Variants in MARCHF1 observed in about 807,000 individuals in gnomAD.
MARCHF1 encodes the protein membrane associated ring-CH-type finger 1.
A neutral mutation model predicts 54.2 loss-of-function variants in MARCHF1; 40 were observed. The observed-to-expected ratio is 0.74, with a 90% CI of 0.57 to 0.96. The LOEUF (loss-of-function observed/expected upper bound fraction) is 0.96, where lower values mean the gene tolerates loss of function less well. Ranked by LOEUF, MARCHF1 falls within the 40% of genes least tolerant of loss-of-function variation. MARCHF1 has a pLI of 0.00. For missense variants in MARCHF1, 586 were observed against 656.5 expected (o/e 0.89, Z 1.17); for synonymous variants, 236 against 236.3 (o/e 1.00, Z 0.01).
At chr4:164,338,040 TA>T (rs2110831450) in intron 1 of MARCHF1, among the ~76,000 whole-genome samples, 1 of 152,268 alleles carries the variant, frequency 6.6e-6, no homozygotes, top group Non-Finnish European at 1.5e-5. Flanking sequence ...CAAAAGTATT[TA>T]AAAATAACTG....
intron 1 of MARCHF1, among the ~76,000 whole-genome samples, chr4:164,199,617 C>CAGAGCAGG (rs1480546492): frequency 3.6e-5 from 5 of 138,042 alleles, no homozygotes; most frequent in Non-Finnish European, 7.7e-5. Context: ...GCCTGGGTGA[C>CAGAGCAGG]AGAGCAGGAC....
At chr4:164,046,639 A>G (rs1454074713) in intron 2 of MARCHF1, among the ~76,000 whole-genome samples, 1 of 152,218 alleles carries the variant, frequency 6.6e-6, no homozygotes, top group Non-Finnish European at 1.5e-5. Context: ...TTAATCTAAG[A>G]TAAGAAATAT....
intron 1 of MARCHF1, among the ~76,000 whole-genome samples, chr4:164,374,101 T>G (rs1731115679): frequency 6.6e-6 from 1 of 152,272 alleles, no homozygotes; most frequent in South Asian, 2.1e-4. Context: ...TCACATTAGA[T>G]GTGTTGCCAC....
chr4:163,568,953 CA>C (rs1471049125), intron 8 of MARCHF1, among the ~76,000 whole-genome samples: 2 of 152,134 alleles, frequency 1.3e-5, no homozygotes, highest in African/African-American at 4.8e-5. Context: ...TTCCAGCACT[CA>C]AAAGACTGTC....
At chr4:163,997,986 A>G (rs537448901) in intron 2 of MARCHF1, among the ~76,000 whole-genome samples, 14 of 151,734 alleles carry the variant, frequency 9.2e-5, no homozygotes, top group African/African-American at 3.1e-4. Context: ...ATGTCTAAAA[A>G]AAGATATAAG....
chr4:163,665,962 G>A (rs751269893), intron 5 of MARCHF1, among the ~76,000 whole-genome samples: 11 of 152,076 alleles, frequency 7.2e-5, no homozygotes, highest in Non-Finnish European at 1.5e-4. Context: ...ACACTTCTAC[G>A]CCCCTTCAGG....
chr4:164,149,771 A>G (rs983600943), intron 1 of MARCHF1, among the ~76,000 whole-genome samples: 3 of 152,196 alleles, frequency 2.0e-5, no homozygotes, highest in Non-Finnish European at 4.4e-5. Context: ...TTTTGGATGA[A>G]TGATGTAAAG....
intron 1 of MARCHF1, among the ~76,000 whole-genome samples, chr4:164,165,741 A>C (rs1002111385): frequency 2.0e-5 from 3 of 151,938 alleles, no homozygotes; most frequent in African/African-American, 7.2e-5. Flanking sequence ...CATTGAGAGG[A>C]TGTGCATTGA....
At chr4:164,357,881 G>A (rs528506718) in intron 1 of MARCHF1, among the ~76,000 whole-genome samples, 15 of 152,140 alleles carry the variant, frequency 9.9e-5, no homozygotes, top group Non-Finnish European at 7.4e-5. Context: ...AACCTCAGAA[G>A]AAAAGGAAAA....
chr4:163,812,404 G>A (rs1432029440), intron 4 of MARCHF1, among the ~76,000 whole-genome samples: 1 of 151,874 alleles, frequency 6.6e-6, no homozygotes, highest in East Asian at 1.9e-4. Flanking sequence ...ATACATTCAG[G>A]TAGTTTTGGA....
chr4:163,551,015 A>G (rs759110910), intron 8 of MARCHF1, among the ~76,000 whole-genome samples: 7 of 152,192 alleles, frequency 4.6e-5, no homozygotes, highest in Non-Finnish European at 1.0e-4. Flanking sequence ...CACTTAGCAG[A>G]GTTGCACGGT....
At chr4:164,283,720 A>G (rs1051159269) in intron 1 of MARCHF1, among the ~76,000 whole-genome samples, 1 of 150,932 alleles carries the variant, frequency 6.6e-6, no homozygotes, top group African/African-American at 2.4e-5. Context: ...GGAGTCCAAA[A>G]TTACCAACAG....
chr4:164,203,239 G>A (rs1204415012), intron 1 of MARCHF1, among the ~76,000 whole-genome samples: 1 of 151,836 alleles, frequency 6.6e-6, no homozygotes, highest in Non-Finnish European at 1.5e-5. Flanking sequence ...TAATAATGAA[G>A]CAATTTTATT....
chr4:163,970,708 G>A (rs184340496), intron 3 of MARCHF1, among the ~76,000 whole-genome samples: 119 of 152,214 alleles, frequency 7.8e-4, no homozygotes, highest in Non-Finnish European at 1.5e-3. Context: ...CTGAAAAAGA[G>A]GAGCTTGATT....
chr4:163,793,842 A>C (rs1366768166), intron 4 of MARCHF1, among the ~76,000 whole-genome samples: 15 of 152,104 alleles, frequency 9.9e-5, no homozygotes, highest in Admixed American at 9.8e-4. Context: ...CCTCTCATGC[A>C]GACCCCCTTA....
intron 4 of MARCHF1, among the ~76,000 whole-genome samples, chr4:163,704,788 C>T (rs966342552): frequency 2.0e-5 from 3 of 150,886 alleles, no homozygotes; most frequent in Non-Finnish European, 4.4e-5. Context: ...AACACAAGAA[C>T]GTAATAAAAG....
chr4:163,644,461 G>T (rs1695898078), intron 5 of MARCHF1, among the ~76,000 whole-genome samples: 1 of 152,228 alleles, frequency 6.6e-6, no homozygotes, highest in South Asian at 2.1e-4. Context: ...CTCAGCTATG[G>T]TCTGAGATCA....
intron 3 of MARCHF1, among the ~76,000 whole-genome samples, chr4:163,988,232 C>T (rs1752906893): frequency 6.6e-6 from 1 of 152,192 alleles, no homozygotes; most frequent in Non-Finnish European, 1.5e-5. Flanking sequence ...AAAAGTGACT[C>T]CATAGATTGT....
chr4:163,711,497 T>C (rs1323702578), intron 4 of MARCHF1, among the ~76,000 whole-genome samples: 1 of 152,196 alleles, frequency 6.6e-6, no homozygotes, highest in Non-Finnish European at 1.5e-5. Context: ...AAGGCTCCTT[T>C]GCTCCTGGCT....
Sources: gnomAD v4.1 joint callset for allele counts (sites outside exome capture counted in the v4.1 genomes callset) on GRCh38, gnomAD v4.1.1 for gene constraint, MANE v1.5 for transcripts, NCBI Gene and HGNC (gene_info 2026-07-23, HGNC 2026-07-21) for gene names.